FBXW8: variants seen among roughly 807,000 people sequenced by gnomAD.
FBXW8 encodes F-box/WD repeat-containing protein 8.
In FBXW8, 57 loss-of-function variants were observed where a neutral mutation model predicts 65.3. The observed-to-expected ratio is 0.87, with a 90% CI of 0.71 to 1.09. FBXW8 has a LOEUF of 1.09. Ranked by LOEUF, FBXW8 falls within the 50% of genes least tolerant of loss-of-function variation. FBXW8 has a pLI of 0.00. For missense variants in FBXW8, 777 were observed against 814.8 expected (o/e 0.95, Z 0.57); for synonymous variants, 308 against 330.2 (o/e 0.93, Z 0.73).
chr12:116,993,276 G>T (rs572345279), intron 7 of FBXW8, among the ~76,000 whole-genome samples: 2 of 151,612 alleles, frequency 1.3e-5, no homozygotes, highest in African/African-American at 4.8e-5. Flanking sequence ...GCTAATTTTT[G>T]TATTTTTAGT....
Position 117,010,308 on chromosome 12 carries a change from C to T in FBXW8, c.1240-15C>T, listed in dbSNP as rs775511486. 1.9e-5 allele frequency: 31 copies of T among 1,614,180 alleles called. No individual in the cohort carries two copies. The highest frequency in any genetic ancestry group is 2.5e-5 in the Non-Finnish European group (29 of 1,180,016). On this transcript the variant is annotated splice_polypyrimidine_tract_variant and intron_variant, in intron 7 of 10. Transcript: ENST00000652555. ...TGTGGAATTGTGGGCCCACACATTTCTCTTCCTCTCTCAGATCCTGGTGTA... is the reference window on the plus strand; with the variant it reads ...TGTGGAATTGTGGGCCCACACATTTTTCTTCCTCTCTCAGATCCTGGTGTA...
chr12:116,949,777 G>A, intron 4 of FBXW8, 71 bp downstream of exon 4: 1 of 1,386,196 alleles, frequency 7.2e-7, no homozygotes, highest in East Asian at 2.3e-5. Context: ...CACCCTCTGA[G>A]TACCAGTGAC....
At position 117,010,397 on chromosome 12, in the gene FBXW8, C is replaced by G; in HGVS notation, c.1314C>G (p.Val438=). The change falls in exon 8 of 11, where the codon GTC becomes GTG. Residue 438 remains valine, a synonymous_variant. Coordinates refer to ENST00000652555, the MANE Select transcript of FBXW8 (RefSeq NM_153348.3). The part of the protein sequence containing the change: ...LGNVLRDFTC[V]NLSDSPPNLM... ...ACGTTCTCCGTGACTTCACGTGTGT[C>G]AACCTCAGCGACAGCCCTCCCAACC... 6.2e-7 allele frequency: 1 copy of G among 1,614,206 alleles called. No individual in the cohort carries two copies. The highest frequency in any genetic ancestry group is 8.5e-7 in the Non-Finnish European group (1 of 1,180,012).
At chr12:116,976,257 G>A (rs1409891589) in intron 5 of FBXW8, among the ~76,000 whole-genome samples, 2 of 151,944 alleles carry the variant, frequency 1.3e-5, no homozygotes. Context: ...TGACTTGGAG[G>A]CCTGAGATTA....
chr12:117,019,744 G>C (rs1954043488), intron 8 of FBXW8, among the ~76,000 whole-genome samples: 1 of 152,108 alleles, frequency 6.6e-6, no homozygotes, highest in Admixed American at 6.5e-5. Flanking sequence ...ACTGTTGAAG[G>C]CCTCCCGGTC....
rs968966499 is a variant in FBXW8, at chr12:117,029,184, G to C, written c.*1012G>C. 4 of 152,216 alleles carry C rather than the reference G, an allele frequency of 2.6e-5. No homozygotes were observed. Among genetic ancestry groups the C allele is most frequent in the African/African-American group, 9.7e-5 (4 of 41,436 alleles). 9.4% of individuals were successfully genotyped at this position (152,216 alleles called of 1,614,324 possible). A position where few individuals can be genotyped will look rare whatever the true frequency, so the allele number is the denominator to read the frequency against. On this transcript the variant is annotated 3_prime_UTR_variant, in exon 11 of 11. Coordinates refer to ENST00000652555, the MANE Select transcript of FBXW8 (RefSeq NM_153348.3). ...AACCACCCTGTACGAAGGCCACAAAGAACAGCTCAGATGCACAAAGATTCA... is the reference window on the plus strand; with the variant it reads ...AACCACCCTGTACGAAGGCCACAAACAACAGCTCAGATGCACAAAGATTCA...
Position 116,964,854 on chromosome 12 carries a change from G to A in FBXW8, c.835G>A (p.Gly279Arg). The change falls in exon 5 of 11, where the codon GGG (glycine) becomes AGG (arginine). Residue 279 changes from glycine (G) to arginine (R), a missense_variant and splice_region_variant. Gly to Arg is a moderately radical substitution (Grantham distance 125, BLOSUM62 -2). Transcript: ENST00000652555. ...SSLAVAAYED[G>R]FLNIWDLRTG... is the part of the protein sequence containing the mutation. Reference sequence around the variant, plus strand: ...GTTGGCAGTAGCAGCTTATGAGGATGGTAAGTAACCACAACCCTCCTCCCT... The same window carrying A: ...GTTGGCAGTAGCAGCTTATGAGGATAGTAAGTAACCACAACCCTCCTCCCT... 1 of 1,597,962 alleles carries A rather than the reference G, an allele frequency of 6.3e-7. No individual in the cohort carries two copies. The highest frequency in any genetic ancestry group is 1.1e-5 in the South Asian group (1 of 88,918).
chr12:116,966,382 A>G (rs1396317982), intron 5 of FBXW8, among the ~76,000 whole-genome samples: 1 of 152,204 alleles, frequency 6.6e-6, no homozygotes, highest in Non-Finnish European at 1.5e-5. Flanking sequence ...ACACACGAAC[A>G]TGCACACACA....
intron 1 of FBXW8, among the ~76,000 whole-genome samples, chr12:116,923,934 C>T (rs1881115419): frequency 6.6e-6 from 1 of 152,138 alleles, no homozygotes; most frequent in Non-Finnish European, 1.5e-5. Flanking sequence ...AGGATGATCT[C>T]CATCTCCTGA....
intron 8 of FBXW8, 67 bp downstream of exon 8, chr12:117,010,517 G>A (rs1329491696): frequency 2.3e-5 from 37 of 1,605,778 alleles, no homozygotes; most frequent in Middle Eastern, 1.8e-4. Context: ...CCCCCACTGC[G>A]CTGCTCACAC....
chr12:116,972,058 G>A (rs1884678126), intron 5 of FBXW8, among the ~76,000 whole-genome samples: 2 of 152,212 alleles, frequency 1.3e-5, no homozygotes, highest in African/African-American at 4.8e-5. Context: ...GTAGAAAAAT[G>A]TGGCACATTA....
rs532896254 is a variant in FBXW8 at position 117,023,162 on chromosome 12, G to A, written c.1368-985G>A. On this transcript the variant is annotated intron_variant, in intron 8 of 10. Coordinates refer to ENST00000652555, the MANE Select transcript of FBXW8 (RefSeq NM_153348.3). The stretch of plus-strand genomic sequence containing the variant: ...TTCCCTCAGAACTTGGAAAATTGAC[G>A]TGTGTGCGCATGCTTGCATAACTAG... Among the ~76,000 whole-genome samples the A allele has an allele frequency of 5.3e-5, 8 of 152,292 alleles. No individual in the cohort carries two copies. In the South Asian group the frequency reaches 8.3e-4, roughly 16 times the overall value.
chr12:116,915,267 A>T (rs1315181295), intron 1 of FBXW8, among the ~76,000 whole-genome samples: 1 of 152,168 alleles, frequency 6.6e-6, no homozygotes, highest in Non-Finnish European at 1.5e-5. Context: ...AGGTGTTTTT[A>T]TGTGTTCTGG....
At position 116,961,851 on chromosome 12, in the gene FBXW8, GT is replaced by G. The variant is rs1356967329; in HGVS notation, c.678-2842del. On this transcript the variant is annotated intron_variant, in intron 4 of 10. Transcript: ENST00000652555. This position sits in a 1 kb window ranked among gnomAD's most constrained non-coding sequence, Gnocchi z 4.4. ...AGAAGAAAGATTCATGCAGTCAGGT[GT>G]TTTGAAGGGCTTGGCTTGTGGGGGG... 6.6e-6 allele frequency among the ~76,000 whole-genome samples: 1 copy of G among 152,236 alleles called. No individual in the cohort carries two copies. The highest frequency in any genetic ancestry group is 1.5e-5 in the Non-Finnish European group (1 of 68,042).
intron 8 of FBXW8, among the ~76,000 whole-genome samples, chr12:117,023,175 C>T (rs1270750140): frequency 2.0e-5 from 3 of 152,186 alleles, no homozygotes; most frequent in African/African-American, 7.2e-5. Flanking sequence ...TGTGCGCATG[C>T]TTGCATAACT....
intron 4 of FBXW8, among the ~76,000 whole-genome samples, chr12:116,960,702 C>T (rs561681125): frequency 6.1e-4 from 93 of 152,142 alleles, no homozygotes; most frequent in East Asian, 1.9e-4. Context: ...TTGTTACCTG[C>T]GGACACCCCC....
At chr12:117,004,268 CTCTTT>C (rs1397972321) in intron 7 of FBXW8, among the ~76,000 whole-genome samples, 1 of 152,172 alleles carries the variant, frequency 6.6e-6, no homozygotes, top group African/African-American at 2.4e-5. Flanking sequence ...TATCCTCTCC[CTCTTT>C]TATCTGTAAA....
rs1485782204 is a variant in FBXW8 at position 116,947,229 on chromosome 12, T to C, written c.588+1701T>C. Among the ~76,000 whole-genome samples the C allele has an allele frequency of 3.9e-5, 6 of 152,306 alleles. No individual in the cohort carries two copies. The East Asian group carries it at 5.8e-4, about 15-fold the overall frequency. The stretch of plus-strand genomic sequence containing the variant: ...TTTATTTCTAATGAACAGGAAGTCA[T>C]GTGTTAGGTAAGTACTCACTACATG... On this transcript the variant is annotated intron_variant, in intron 3 of 10. Coordinates refer to ENST00000652555, the MANE Select transcript of FBXW8 (RefSeq NM_153348.3).
chr12:116,917,880 T>C (rs1880561497), intron 1 of FBXW8, among the ~76,000 whole-genome samples: 1 of 151,292 alleles, frequency 6.6e-6, no homozygotes, highest in Admixed American at 6.6e-5. Context: ...TAGTCCCAGC[T>C]ACTGGGGAGG....
Sources: allele counts gnomAD v4.1 joint callset (sites outside exome capture counted in the v4.1 genomes callset), GRCh38; gene constraint gnomAD v4.1.1; non-coding constraint Gnocchi (gnomAD v3.1); transcripts MANE v1.5; gene names NCBI Gene and HGNC (gene_info 2026-07-23, HGNC 2026-07-21).